Variants in AUTS2 observed in about 807,000 individuals in gnomAD.
The protein encoded by AUTS2 is autism susceptibility gene 2 protein.
In AUTS2, 17 loss-of-function variants were observed where a neutral mutation model predicts 112.4. That is an observed-to-expected ratio of 0.15 (90% confidence interval 0.10 to 0.23). The LOEUF is 0.23. AUTS2 is among the 10% of genes least tolerant of loss of function. AUTS2 has a pLI of 1.00. For synonymous variants in AUTS2, 751 were observed against 702.7 expected, an observed-to-expected ratio of 1.07 and a Z score of -1.09; for missense variants, 1,510 against 1,701.6, an observed-to-expected ratio of 0.89 and a Z score of 1.98.
chr7:70,035,363 G>A (rs1470101996), intron 2 of AUTS2, among the ~76,000 whole-genome samples: 1 of 152,158 alleles, frequency 6.6e-6, no homozygotes, highest in Non-Finnish European at 1.5e-5. Flanking sequence ...ATCAGGATTA[G>A]GCAAAGTACT....
At chr7:69,648,718 A>AG (rs1328505552) in intron 1 of AUTS2, among the ~76,000 whole-genome samples, 1 of 152,162 alleles carries the variant, frequency 6.6e-6, no homozygotes, top group Admixed American at 6.5e-5. Flanking sequence ...ACAGTCATGT[A>AG]GGGGGAGGAT....
At chr7:70,025,207 A>C (rs527292663) in intron 2 of AUTS2, among the ~76,000 whole-genome samples, 1 of 152,304 alleles carries the variant, frequency 6.6e-6, no homozygotes, top group Non-Finnish European at 1.5e-5. Flanking sequence ...AATCCTCTTG[A>C]CAATTCCATG....
intron 2 of AUTS2, among the ~76,000 whole-genome samples, chr7:70,088,935 G>A (rs1329459340): frequency 6.6e-6 from 1 of 151,888 alleles, no homozygotes; most frequent in Non-Finnish European, 1.5e-5. Flanking sequence ...ATTTTGATAT[G>A]CTGTGTTCTC....
intron 1 of AUTS2, among the ~76,000 whole-genome samples, chr7:69,649,631 G>A (rs1301910227): frequency 1.3e-5 from 2 of 151,698 alleles, no homozygotes; most frequent in Non-Finnish European, 2.9e-5. Flanking sequence ...ACACTCACTA[G>A]TTGCTAACTA....
chr7:70,499,434 G>T (rs138596609), intron 5 of AUTS2, among the ~76,000 whole-genome samples: 2 of 152,210 alleles, frequency 1.3e-5, no homozygotes, highest in African/African-American at 4.8e-5. Context: ...GATGGCCGGG[G>T]AACTGGGAAC....
At chr7:70,761,314 C>G (rs1232463687) in intron 6 of AUTS2, among the ~76,000 whole-genome samples, 4 of 152,122 alleles carry the variant, frequency 2.6e-5, no homozygotes, top group Non-Finnish European at 5.9e-5. Flanking sequence ...GAGACCCCAC[C>G]TCTAAAACAA....
intron 1 of AUTS2, among the ~76,000 whole-genome samples, chr7:69,647,359 T>G (rs543080411): frequency 2.1e-5 from 3 of 140,134 alleles, no homozygotes; most frequent in African/African-American, 8.6e-5. Flanking sequence ...TTCACTATCT[T>G]TTTTTTTTTT....
intron 5 of AUTS2, among the ~76,000 whole-genome samples, chr7:70,536,187 A>G (rs1800308244): frequency 6.6e-6 from 1 of 151,922 alleles, no homozygotes; most frequent in Admixed American, 6.6e-5. Context: ...ATAATTAGCC[A>G]GGTAGGCACA....
chr7:70,496,542 A>T lies in AUTS2; in HGVS notation c.690+60761A>T, dbSNP rs527500925. Among the ~76,000 whole-genome samples, 629 of 122,810 alleles carry T rather than the reference A, an allele frequency of 5.1e-3. 4 individuals are homozygous for T. The highest frequency in any genetic ancestry group is 0.02 in the African/African-American group (606 of 30,684). 80.6% of individuals were successfully genotyped at this position (122,810 alleles called of 152,430 possible). A position where few individuals can be genotyped will look rare whatever the true frequency, so the allele number is the denominator to read the frequency against. On this transcript the variant is annotated intron_variant, in intron 5 of 18. Transcript: ENST00000342771. ...CACACCCCACTCACACACACCACGTACACAGTCAGACACACACACACACCC... is the reference window on the plus strand; with the variant it reads ...CACACCCCACTCACACACACCACGTTCACAGTCAGACACACACACACACCC...
intron 5 of AUTS2, among the ~76,000 whole-genome samples, chr7:70,654,176 G>A (rs1806649761): frequency 1.3e-5 from 2 of 152,316 alleles, no homozygotes; most frequent in African/African-American, 4.8e-5. Flanking sequence ...TGTACGAGAT[G>A]TGGGGGCCTT....
intron 4 of AUTS2, among the ~76,000 whole-genome samples, chr7:70,281,254 C>G (rs1788201315): frequency 6.6e-6 from 1 of 152,204 alleles, no homozygotes; most frequent in Non-Finnish European, 1.5e-5. Flanking sequence ...AGGGATGTGC[C>G]TAGGCCTGTG....
At chr7:70,717,200 C>T (rs1300980101) in intron 6 of AUTS2, among the ~76,000 whole-genome samples, 1 of 151,704 alleles carries the variant, frequency 6.6e-6, no homozygotes, top group African/African-American at 2.4e-5. Context: ...TGCGTGCCAC[C>T]ACACCTGGCT....
intron 2 of AUTS2, among the ~76,000 whole-genome samples, chr7:69,914,328 C>CAGACACAG (rs1562965451): frequency 2.1e-5 from 3 of 142,718 alleles, no homozygotes; most frequent in African/African-American, 8.3e-5. Context: ...AAAAAAAGCA[C>CAGACACAG]ACACACAGAC....
chr7:70,179,379 A>G (rs1004561658), intron 4 of AUTS2, among the ~76,000 whole-genome samples: 1 of 152,202 alleles, frequency 6.6e-6, no homozygotes, highest in Admixed American at 6.5e-5. Flanking sequence ...AGCTGTGATT[A>G]TCCGAAGGTG....
At chr7:70,101,321 C>T (rs1258684636) in intron 2 of AUTS2, among the ~76,000 whole-genome samples, 1 of 151,680 alleles carries the variant, frequency 6.6e-6, no homozygotes, top group Non-Finnish European at 1.5e-5. Flanking sequence ...AATTCTTCAG[C>T]TCTTTACATT....
In AUTS2 at chr7:70,747,620, G is replaced by A. The variant is rs139958430; in HGVS notation, c.743-15250G>A. Among the ~76,000 whole-genome samples, 1,418 of 151,160 alleles carry A rather than the reference G, an allele frequency of 9.4e-3. 6 individuals are homozygous for A. Among genetic ancestry groups the A allele is most frequent in the Non-Finnish European group, 0.016 (1,090 of 67,982 alleles). Reference sequence around the variant, plus strand: ...ATTACAGGAGCCCACCACCACACCTGGCTATGTTTTGTTTTGTTTTTGTTT... The same window carrying A: ...ATTACAGGAGCCCACCACCACACCTAGCTATGTTTTGTTTTGTTTTTGTTT... On this transcript the variant is annotated intron_variant, in intron 6 of 18. Transcript: ENST00000342771.
At chr7:69,669,733 C>CT (rs140398759) in intron 1 of AUTS2, among the ~76,000 whole-genome samples, 21,607 of 151,422 alleles carry the variant, frequency 0.14, 1,737 homozygotes, top group Non-Finnish European at 0.18. Context: ...AACAATTTCA[C>CT]TTTTTTTTTC....
rs915545047 is a variant in AUTS2, at chr7:70,753,460, A to T, written c.743-9410A>T. Among the ~76,000 whole-genome samples the T allele has an allele frequency of 2.6e-5, 4 of 152,162 alleles. No homozygotes were observed. In the South Asian group the frequency reaches 8.3e-4, roughly 32 times the overall value. The stretch of plus-strand genomic sequence containing the variant: ...TGATCTTCCACTCTTGCAGTGTTTG[A>T]AAATTAATTTGCCTTGAACAAACAG... On this transcript the variant is annotated intron_variant, in intron 6 of 18. Coordinates refer to ENST00000342771, the MANE Select transcript of AUTS2 (RefSeq NM_015570.4).
At chr7:69,822,361 T>TAC (rs1791037792) in intron 1 of AUTS2, among the ~76,000 whole-genome samples, 1 of 152,306 alleles carries the variant, frequency 6.6e-6, no homozygotes, top group African/African-American at 2.4e-5. Context: ...CTCACACCTG[T>TAC]AGTGGCTCAC....
Sources: gnomAD v4.1 joint callset for allele counts (sites outside exome capture counted in the v4.1 genomes callset) on GRCh38, gnomAD v4.1.1 for gene constraint, MANE v1.5 for transcripts, NCBI Gene and HGNC (gene_info 2026-07-23, HGNC 2026-07-21) for gene names.